PAFAH1B1: variants seen among roughly 807,000 people sequenced by gnomAD.
PAFAH1B1 encodes platelet activating factor acetylhydrolase 1b regulatory subunit 1.
A neutral mutation model predicts 57.5 loss-of-function variants in PAFAH1B1; 2 were observed. The observed-to-expected ratio is 0.03, with a 90% CI of 0.01 to 0.11. The LOEUF (loss-of-function observed/expected upper bound fraction) is 0.11, where lower values mean the gene tolerates loss of function less well. Ranked by LOEUF, PAFAH1B1 falls within the 10% of genes least tolerant of loss-of-function variation. PAFAH1B1 has a pLI of 1.00. For synonymous variants in PAFAH1B1, 152 were observed against 169.6 expected, an observed-to-expected ratio of 0.90 and a Z score of 0.81; for missense variants, 257 against 512.0, an observed-to-expected ratio of 0.50 and a Z score of 4.81.
intron 1 of PAFAH1B1, among the ~76,000 whole-genome samples, chr17:2,604,596 A>G (rs1238214620): frequency 6.6e-6 from 1 of 152,130 alleles, no homozygotes; most frequent in African/African-American, 2.4e-5. Context: ...GGATCACTTG[A>G]CGTCAGGAGT....
At chr17:2,644,696 A>G (rs1023772544) in intron 2 of PAFAH1B1, among the ~76,000 whole-genome samples, 1 of 152,174 alleles carries the variant, frequency 6.6e-6, no homozygotes, top group African/African-American at 2.4e-5. Context: ...ATAACCCTGC[A>G]TATGTGTACC....
chr17:2,681,642 T>G, intron 10 of PAFAH1B1, 87 bp from the exon 11 acceptor site: 1 of 1,041,624 alleles, frequency 9.6e-7, no homozygotes, highest in Admixed American at 2.0e-5. Flanking sequence ...TTTTTTTAAT[T>G]TTGTATTTTG....
chr17:2,633,683 A>C (rs1011239501), intron 1 of PAFAH1B1, among the ~76,000 whole-genome samples: 6 of 152,090 alleles, frequency 3.9e-5, no homozygotes, highest in African/African-American at 1.4e-4. Context: ...CATTCTCATC[A>C]AGGTTATCAA....
chr17:2,598,883 G>T lies in PAFAH1B1; in HGVS notation c.-191+4877G>T, dbSNP rs2068111478. Reference sequence around the variant, plus strand: ...GGCTAGTCATTGAAATGGAACCTTAGTTTAACTTCTGTTACATATGTAATT... The same window carrying T: ...GGCTAGTCATTGAAATGGAACCTTATTTTAACTTCTGTTACATATGTAATT... On this transcript the variant is annotated intron_variant, in intron 1 of 10. Coordinates refer to ENST00000397195, the MANE Select transcript of PAFAH1B1 (RefSeq NM_000430.4). Among the ~76,000 whole-genome samples, 4 of 152,198 alleles carry T rather than the reference G, an allele frequency of 2.6e-5. No individual in the cohort carries two copies. In the South Asian group the frequency reaches 8.3e-4, roughly 32 times the overall value.
intron 1 of PAFAH1B1, among the ~76,000 whole-genome samples, chr17:2,618,904 G>A (rs1329781007): frequency 1.4e-5 from 2 of 140,972 alleles, no homozygotes; most frequent in African/African-American, 2.6e-5. Flanking sequence ...GCAGTGAGCC[G>A]AGATTGTACC....
intron 8 of PAFAH1B1, among the ~76,000 whole-genome samples, chr17:2,674,593 G>A (rs1198583353): frequency 1.3e-5 from 2 of 152,142 alleles, no homozygotes; most frequent in East Asian, 3.9e-4. Flanking sequence ...CTGAGGGAGA[G>A]GTTAAAGTTT....
chr17:2,622,637 C>A lies in PAFAH1B1; in HGVS notation c.-190-15462C>A, dbSNP rs574736210. 8.2e-4 allele frequency among the ~76,000 whole-genome samples: 125 copies of A among 152,300 alleles called. 1 individual carries two copies. Among genetic ancestry groups the A allele is most frequent in the Admixed American group, 3.5e-3 (53 of 15,292 alleles). On this transcript the variant is annotated intron_variant, in intron 1 of 10. Transcript: ENST00000397195. ...GCTTTCACCGGCTGGCCTTGAGTGT[C>A]TGCAGCTTTTCCAGGCGACAGTGCA...
At chr17:2,676,995 T>TA (rs1161705725) in intron 9 of PAFAH1B1, among the ~76,000 whole-genome samples, 1 of 151,960 alleles carries the variant, frequency 6.6e-6, no homozygotes, top group African/African-American at 2.4e-5. Context: ...TACCAAAAAA[T>TA]ACAAAAAATT....
chr17:2,659,262 G>A (rs2068980648), intron 2 of PAFAH1B1, among the ~76,000 whole-genome samples: 1 of 151,798 alleles, frequency 6.6e-6, no homozygotes. Context: ...AAAAAGGCCA[G>A]GTACAGTGGC....
At chr17:2,650,278 G>C (rs369777892) in intron 2 of PAFAH1B1, among the ~76,000 whole-genome samples, 6 of 149,060 alleles carry the variant, frequency 4.0e-5, no homozygotes, top group African/African-American at 7.8e-5. Flanking sequence ...TTGGGAGGCC[G>C]AGGCGGGTGG....
chr17:2,683,749 T>G lies in PAFAH1B1; in HGVS notation c.*1947T>G, dbSNP rs1414528669. On this transcript the variant is annotated 3_prime_UTR_variant, in exon 11 of 11. Coordinates refer to ENST00000397195, the MANE Select transcript of PAFAH1B1 (RefSeq NM_000430.4). ...GCTTACATTGAAAAGTCTTTTTCCC[T>G]TAGCTCTTCTGACTGGATTTTTCTA... 6.5e-6 allele frequency: 1 copy of G among 152,684 alleles called. No homozygotes were observed. The highest frequency in any genetic ancestry group is 1.9e-4 in the East Asian group (1 of 5,204). 9.5% of individuals were successfully genotyped at this position (152,684 alleles called of 1,614,324 possible).
At chr17:2,606,166 A>G (rs2068202440) in intron 1 of PAFAH1B1, among the ~76,000 whole-genome samples, 1 of 152,136 alleles carries the variant, frequency 6.6e-6, no homozygotes, top group Admixed American at 6.6e-5. Context: ...AGATTTCCCC[A>G]AGGTCACACA....
At chr17:2,678,400 C>CCA (rs1443540286) in intron 9 of PAFAH1B1, among the ~76,000 whole-genome samples, 1 of 81,020 alleles carries the variant, frequency 1.2e-5, no homozygotes, top group Non-Finnish European at 2.5e-5. Context: ...GAAACCATCT[C>CCA]AAAAAAAAAA....
intron 6 of PAFAH1B1, 44 bp downstream of exon 6, chr17:2,670,375 G>A (rs2069165550): frequency 6.7e-7 from 1 of 1,493,190 alleles, no homozygotes; most frequent in African/African-American, 1.4e-5. Flanking sequence ...TTCTATCATG[G>A]TACTTCAGAA....
At chr17:2,620,837 G>C (rs550704550) in intron 1 of PAFAH1B1, among the ~76,000 whole-genome samples, 1 of 152,232 alleles carries the variant, frequency 6.6e-6, no homozygotes, top group Non-Finnish European at 1.5e-5. Context: ...ACTCCAGCCT[G>C]GGTGACAAGA....
In PAFAH1B1 at chr17:2,681,819, C is replaced by CCT; in HGVS notation, c.*18_*19insTC. The CCT allele has an allele frequency of 6.3e-7, 1 of 1,594,150 alleles. No homozygotes were observed. Among genetic ancestry groups the CCT allele is most frequent in the Non-Finnish European group, 8.6e-7 (1 of 1,164,558 alleles). ...TGCCGTTGATTGTGTCTCCTTCGGC[C>CCT]CCTCCTCCCTCTTTTCCTCTGGATG... On this transcript the variant is annotated 3_prime_UTR_variant, in exon 11 of 11. Transcript: ENST00000397195.
intron 4 of PAFAH1B1, 37 bp downstream of exon 4, chr17:2,666,127 C>T (rs2151660128): frequency 7.3e-7 from 1 of 1,376,450 alleles, no homozygotes; most frequent in African/African-American, 1.4e-5. Flanking sequence ...TAGTTGTATT[C>T]AGTTATATAA....
chr17:2,612,137 A>G (rs2068274262), intron 1 of PAFAH1B1, among the ~76,000 whole-genome samples: 1 of 151,544 alleles, frequency 6.6e-6, no homozygotes, highest in African/African-American at 2.4e-5. Flanking sequence ...ATACTGTTTG[A>G]CGGTTGTTGA....
intron 1 of PAFAH1B1, among the ~76,000 whole-genome samples, chr17:2,619,226 C>T (rs2068387751): frequency 6.6e-6 from 1 of 152,026 alleles, no homozygotes; most frequent in South Asian, 2.1e-4. Context: ...CACCGCAGCT[C>T]ACTGTAGACT....
Sources: gnomAD v4.1 joint callset for allele counts (sites outside exome capture counted in the v4.1 genomes callset) on GRCh38, gnomAD v4.1.1 for gene constraint, MANE v1.5 for transcripts, NCBI Gene and HGNC (gene_info 2026-07-23, HGNC 2026-07-21) for gene names.